SPDYE3: variants seen among roughly 807,000 people sequenced by gnomAD.
The protein encoded by SPDYE3 is speedy/RINGO cell cycle regulator family member E3.
In SPDYE3, 15 loss-of-function variants were observed where a neutral mutation model predicts 55.0. The ratio of observed to expected loss-of-function variants is 0.27; its 90% CI spans 0.18 to 0.42. The LOEUF is 0.42. Ranked by LOEUF, SPDYE3 falls within the 10% of genes least tolerant of loss-of-function variation. The pLI is 1.00. For synonymous variants in SPDYE3, 89 were observed against 229.9 expected, an observed-to-expected ratio of 0.39 and a Z score of 5.55; for missense variants, 236 against 576.7, an observed-to-expected ratio of 0.41 and a Z score of 6.05.
At chr7:100,318,887 G>GTTAT (rs201381694) in intron 8 of SPDYE3, among the ~76,000 whole-genome samples, 39,089 of 140,372 alleles carry the variant, frequency 0.28, 7,401 homozygotes, top group African/African-American at 0.52. Flanking sequence ...CACCTGGACA[G>GTTAT]TTATTTATTT....
chr7:100,308,799 G>A (rs1051081334), intron 1 of SPDYE3, among the ~76,000 whole-genome samples, 175 bp from the exon 2 acceptor site: 1 of 150,174 alleles, frequency 6.7e-6, no homozygotes, highest in African/African-American at 2.5e-5. Context: ...GGGAAGAATG[G>A]GGAGGGGAAG....
chr7:100,315,312 C>A (rs1378265969), intron 6 of SPDYE3, among the ~76,000 whole-genome samples: 7 of 152,212 alleles, frequency 4.6e-5, no homozygotes, highest in Admixed American at 1.3e-4. Context: ...AAATAAAAAT[C>A]AAACAAAGAA....
chr7:100,315,360 G>C (rs1462387740), intron 6 of SPDYE3, among the ~76,000 whole-genome samples: 2 of 152,154 alleles, frequency 1.3e-5, no homozygotes, highest in African/African-American at 4.8e-5. Flanking sequence ...TTTCAGCTGT[G>C]CCCTCTGAAA....
intron 1 of SPDYE3, among the ~76,000 whole-genome samples, chr7:100,308,606 G>A (rs1805884294): frequency 6.6e-6 from 1 of 151,922 alleles, no homozygotes; most frequent in South Asian, 2.1e-4. Context: ...CTACCTGAGA[G>A]GCTGAGGCAG....
intron 2 of SPDYE3, among the ~76,000 whole-genome samples, chr7:100,309,853 G>A (rs1312269264): frequency 6.7e-6 from 1 of 149,240 alleles, no homozygotes; most frequent in African/African-American, 2.5e-5. Context: ...CCAGCACTTT[G>A]GGAAGCCAAG....
At chr7:100,317,197 C>A (rs1157031930) in intron 8 of SPDYE3, 42 bp downstream of exon 8, 2 of 1,609,384 alleles carry the variant, frequency 1.2e-6, no homozygotes, top group Non-Finnish European at 1.7e-6. Context: ...ATCCAACGCC[C>A]TGGGACAGCG....
At chr7:100,308,750 C>T (rs1805889574) in intron 1 of SPDYE3, among the ~76,000 whole-genome samples, 1 of 149,444 alleles carries the variant, frequency 6.7e-6, no homozygotes, top group South Asian at 2.1e-4. Flanking sequence ...AGCCAGGGAC[C>T]AGGGAACGAT....
Position 100,321,936 on chromosome 7 carries a change from A to G in SPDYE3, c.*1091A>G, listed in dbSNP as rs899470473. The G allele has an allele frequency of 6.7e-5, 10 of 150,316 alleles. No homozygotes were observed. The highest frequency in any genetic ancestry group is 6.0e-4 in the Admixed American group (9 of 15,074). The allele number at this position is 150,316 out of a possible 1,614,324, so 9.3% of individuals were successfully genotyped here. A position where few individuals can be genotyped will look rare whatever the true frequency, so the allele number is the denominator to read the frequency against. On this transcript the variant is annotated 3_prime_UTR_variant, in exon 11 of 11. Transcript: ENST00000332397. ...TATTTTGGAAATACTGGTATTTTTGAATAGATGCTGTTTCTATAAAGCTGT... is the reference window on the plus strand; with the variant it reads ...TATTTTGGAAATACTGGTATTTTTGGATAGATGCTGTTTCTATAAAGCTGT...
At chr7:100,318,674 T>C (rs1295467980) in intron 8 of SPDYE3, among the ~76,000 whole-genome samples, 1 of 151,788 alleles carries the variant, frequency 6.6e-6, no homozygotes, top group African/African-American at 2.4e-5. Flanking sequence ...CCCATTAGAC[T>C]AGATGCCTGT....
At chr7:100,317,042 CCTCT>C (rs748508731) in intron 7 of SPDYE3, 24 bp from the exon 8 acceptor site, 1 of 1,561,830 alleles carries the variant, frequency 6.4e-7, no homozygotes, top group Non-Finnish European at 8.8e-7. Flanking sequence ...GTGACCTCTC[CCTCT>C]CTGTGTTCCT....
chr7:100,308,288 G>A (rs1254086225), intron 1 of SPDYE3, among the ~76,000 whole-genome samples: 18 of 147,616 alleles, frequency 1.2e-4, no homozygotes, highest in Non-Finnish European at 3.0e-5. Flanking sequence ...CCGAGATCGT[G>A]CTACTGCACT....
intron 8 of SPDYE3, among the ~76,000 whole-genome samples, chr7:100,317,618 CA>C (rs74212832): frequency 2.1e-3 from 219 of 104,530 alleles, no homozygotes; most frequent in African/African-American, 2.3e-3. Context: ...ACAAAAGAGC[CA>C]AAAAAAAAAA....
At chr7:100,315,882 C>A (rs776560609) in intron 7 of SPDYE3, 39 bp downstream of exon 7, 2 of 1,598,506 alleles carry the variant, frequency 1.3e-6, no homozygotes, top group Non-Finnish European at 8.5e-7. Context: ...CCTGTTCTAA[C>A]GCACGGCCAG....
intron 1 of SPDYE3, 74 bp downstream of exon 1, chr7:100,308,065 C>T: frequency 6.8e-7 from 1 of 1,465,894 alleles, no homozygotes; most frequent in Non-Finnish European, 9.1e-7. Context: ...TGCGGTAGCT[C>T]ACCCCTGTAA....
chr7:100,318,593 C>T (rs1333906592), intron 8 of SPDYE3, among the ~76,000 whole-genome samples: 3 of 152,172 alleles, frequency 2.0e-5, no homozygotes, highest in East Asian at 1.9e-4. Context: ...TCTGCATGCC[C>T]GTAGCTCTCC....
intron 8 of SPDYE3, among the ~76,000 whole-genome samples, chr7:100,318,007 CA>C (rs1319299059): frequency 7.0e-6 from 1 of 143,768 alleles, no homozygotes; most frequent in Non-Finnish European, 1.5e-5. Flanking sequence ...GAACAAAAAA[CA>C]AAAGGAACCA....
intron 2 of SPDYE3, among the ~76,000 whole-genome samples, chr7:100,309,556 C>A (rs1473225439): frequency 7.2e-6 from 1 of 138,310 alleles, no homozygotes; most frequent in Non-Finnish European, 1.6e-5. Context: ...CAAAACTCTG[C>A]GTCAAAAGAA....
intron 4 of SPDYE3, among the ~76,000 whole-genome samples, chr7:100,312,808 A>G (rs1260420897): frequency 7.2e-6 from 1 of 139,492 alleles, no homozygotes; most frequent in Non-Finnish European, 1.6e-5. Flanking sequence ...TCCGGGAGAT[A>G]GATGTTGCAG....
At chr7:100,318,648 C>A (rs1789502301) in intron 8 of SPDYE3, among the ~76,000 whole-genome samples, 1 of 152,030 alleles carries the variant, frequency 6.6e-6, no homozygotes, top group Non-Finnish European at 1.5e-5. Context: ...GGTCATCTCC[C>A]CTGATTACTC....
Sources: gnomAD v4.1 joint callset for allele counts (sites outside exome capture counted in the v4.1 genomes callset) on GRCh38, gnomAD v4.1.1 for gene constraint, MANE v1.5 for transcripts, NCBI Gene and HGNC (gene_info 2026-07-23, HGNC 2026-07-21) for gene names.